The following RBFOX1 variants were observed in gnomAD, a reference collection of about 807,000 sequenced individuals.
The protein encoded by RBFOX1 is RNA binding protein fox-1 homolog 1.
RBFOX1 carries 8 observed loss-of-function variants against 57.7 expected under a neutral mutation model. That is an observed-to-expected ratio of 0.14 (90% CI 0.08 to 0.25). RBFOX1 has a LOEUF of 0.25. Among genes scored for constraint, RBFOX1 ranks in the 10% least tolerant of loss-of-function variants. The probability of loss-of-function intolerance (pLI) is 1.00; values close to 1 mark genes in which losing one functional copy is unlikely to be tolerated. For synonymous variants in RBFOX1, 326 were observed against 222.4 expected (o/e 1.47, Z -4.15); for missense variants, 611 against 548.5 (o/e 1.11, Z -1.14).
intron 4 of RBFOX1, among the ~76,000 whole-genome samples, chr16:7,482,542 A>ATTTTT (rs1178577326): frequency 2.1e-4 from 16 of 77,146 alleles, no homozygotes; most frequent in African/African-American, 6.4e-4. Context: ...ATTGCCTGGG[A>ATTTTT]TTTTTTTTTT....
At chr16:5,997,511 C>G (rs1255783562) in intron 4 of RBFOX1, among the ~76,000 whole-genome samples, 1 of 152,186 alleles carries the variant, frequency 6.6e-6, no homozygotes, top group Non-Finnish European at 1.5e-5. Flanking sequence ...ATGTGGCACA[C>G]ACCTGTACTT....
Position 7,595,572 on chromosome 16 carries a change from A to C in RBFOX1, c.492A>C (p.Glu164Asp). 4 of 1,558,408 alleles carry C rather than the reference A, an allele frequency of 2.6e-6. No homozygotes were observed. Among genetic ancestry groups the C allele is most frequent in the Non-Finnish European group, 3.5e-6 (4 of 1,148,622 alleles). Reference sequence around the variant, plus strand: ...AGGGATTTGGTTTCGTAACTTTCGAAAATAGTGCCGATGCGGACAGGGCGA... The same window carrying C: ...AGGGATTTGGTTTCGTAACTTTCGACAATAGTGCCGATGCGGACAGGGCGA... ...GSKGFGFVTF[E>D]NSADADRARE... Residue 164 changes from glutamate (E) to aspartate (D), a missense_variant, in exon 8 of 16, where the codon GAA becomes GAC. By Grantham distance (45) the Glu-to-Asp change is conservative. Around this residue, in one of 3 missense-constraint regions of RBFOX1, gnomAD observed 99 missense variants for 160.3 expected, o/e 0.62. Coordinates refer to ENST00000550418, the MANE Select transcript of RBFOX1 (RefSeq NM_018723.4).
chr16:6,528,713 T>C (rs989438634), intron 2 of RBFOX1, among the ~76,000 whole-genome samples: 3 of 152,196 alleles, frequency 2.0e-5, no homozygotes, highest in Admixed American at 2.0e-4. Context: ...CCAGTATTGA[T>C]ATTTGGGACC....
chr16:6,826,318 G>C (rs539863444), intron 3 of RBFOX1, among the ~76,000 whole-genome samples: 1 of 152,154 alleles, frequency 6.6e-6, no homozygotes. Context: ...TTCAAGACCA[G>C]CCTAGGCAAC....
intron 2 of RBFOX1, among the ~76,000 whole-genome samples, chr16:5,508,968 T>C (rs2043479626): frequency 6.6e-6 from 1 of 152,192 alleles, no homozygotes; most frequent in Admixed American, 6.5e-5. Flanking sequence ...TCTCAAGCAG[T>C]GGATGTACTT....
intron 4 of RBFOX1, among the ~76,000 whole-genome samples, chr16:7,396,674 T>A (rs1002747009): frequency 2.6e-5 from 4 of 152,200 alleles, no homozygotes; most frequent in African/African-American, 9.6e-5. Context: ...GAGTGGTGAC[T>A]TACACCTGTA....
chr16:6,018,724 C>T (rs1053809692), upstream of RBFOX1, among the ~76,000 whole-genome samples: 1 of 152,178 alleles, frequency 6.6e-6, no homozygotes, highest in African/African-American at 2.4e-5. Context: ...AAGAAGCTGC[C>T]TCCACTTGGC....
intron 3 of RBFOX1, among the ~76,000 whole-genome samples, chr16:6,996,076 C>T (rs1304195679): frequency 6.6e-6 from 1 of 152,164 alleles, no homozygotes; most frequent in Non-Finnish European, 1.5e-5. Context: ...TCTTGAAGAC[C>T]ATCAGTGATC....
intron 3 of RBFOX1, among the ~76,000 whole-genome samples, chr16:6,673,652 C>G (rs1851995182): frequency 6.6e-6 from 1 of 152,136 alleles, no homozygotes; most frequent in South Asian, 2.1e-4. Flanking sequence ...AAATATGGGG[C>G]TGACTTGCCG....
At chr16:5,576,790 T>C (rs1399806580) in intron 2 of RBFOX1, among the ~76,000 whole-genome samples, 1 of 152,220 alleles carries the variant, frequency 6.6e-6, no homozygotes, top group Non-Finnish European at 1.5e-5. Context: ...AAAGTTCAGC[T>C]TCAGATATCT....
intron 1 of RBFOX1, among the ~76,000 whole-genome samples, chr16:5,256,915 C>T (rs1408375184): frequency 6.6e-6 from 1 of 151,404 alleles, no homozygotes; most frequent in Non-Finnish European, 1.5e-5. Flanking sequence ...GCCTGAGTGA[C>T]AGAGTGAGGC....
chr16:7,304,790 G>A (rs2096132487), intron 4 of RBFOX1, among the ~76,000 whole-genome samples: 1 of 152,152 alleles, frequency 6.6e-6, no homozygotes, highest in South Asian at 2.1e-4. Flanking sequence ...CTTTCGTGGT[G>A]ATCTGAGTCT....
intron 4 of RBFOX1, among the ~76,000 whole-genome samples, chr16:7,293,263 T>A (rs2095829271): frequency 6.6e-6 from 1 of 152,120 alleles, no homozygotes; most frequent in African/African-American, 2.4e-5. Flanking sequence ...TACATGGAAT[T>A]TGCATTGTAT....
chr16:5,819,222 G>C (rs573148343), intron 3 of RBFOX1, among the ~76,000 whole-genome samples: 5 of 152,250 alleles, frequency 3.3e-5, no homozygotes, highest in African/African-American at 1.2e-4. Context: ...CTTCCTAGAT[G>C]GCCGTCTTTT....
chr16:6,767,683 A>T (rs2077533429), intron 3 of RBFOX1, among the ~76,000 whole-genome samples: 1 of 151,928 alleles, frequency 6.6e-6, no homozygotes, highest in African/African-American at 2.4e-5. Context: ...TGGGAGGCCA[A>T]GGTGGGCAGA....
chr16:6,917,320 G>C (rs990914974), intron 3 of RBFOX1, among the ~76,000 whole-genome samples: 3 of 152,226 alleles, frequency 2.0e-5, no homozygotes, highest in African/African-American at 4.8e-5. Context: ...GTCACAGTTA[G>C]TGACTAATCC....
At chr16:6,004,615 C>G (rs923352978) in intron 4 of RBFOX1, among the ~76,000 whole-genome samples, 1 of 152,168 alleles carries the variant, frequency 6.6e-6, no homozygotes, top group Non-Finnish European at 1.5e-5. Flanking sequence ...CATGCACTCT[C>G]AAAATAATGG....
intron 1 of RBFOX1, among the ~76,000 whole-genome samples, chr16:5,448,788 G>T (rs1232019615): frequency 6.6e-6 from 1 of 152,152 alleles, no homozygotes; most frequent in Non-Finnish European, 1.5e-5. Context: ...GCACAAATTC[G>T]GTGCCCAGCA....
rs552869037 is a variant in RBFOX1, at chr16:5,679,221, C to A, written c.318+80260C>A. ...AGGGCGCATCTTCATTTAATCCAAC[C>A]AGGAGTTTTCTGTTCATCTGAACCT... On this transcript the variant is annotated intron_variant, in intron 3 of 19. Transcript: ENST00000641259. Among the ~76,000 whole-genome samples, 208 of 152,270 alleles carry A rather than the reference C, an allele frequency of 1.4e-3. 1 individual carries two copies. Among genetic ancestry groups the A allele is most frequent in the African/African-American group, 4.7e-3 (195 of 41,536 alleles).
Sources: allele counts gnomAD v4.1 joint callset (sites outside exome capture counted in the v4.1 genomes callset), GRCh38; gene constraint gnomAD v4.1.1; regional missense constraint gnomAD v4.1.1; transcripts MANE v1.5; gene names NCBI Gene and HGNC (gene_info 2026-07-23, HGNC 2026-07-21).